ODAD1: variants seen among roughly 807,000 people sequenced by gnomAD.
ODAD1 encodes the protein outer dynein arm docking complex subunit 1.
A neutral mutation model predicts 67.2 loss-of-function variants in ODAD1; 49 were observed. That is an observed-to-expected ratio of 0.73 (90% confidence interval 0.58 to 0.92). ODAD1 has a LOEUF of 0.92. Ranked by LOEUF, ODAD1 falls within the 40% of genes least tolerant of loss-of-function variation. The pLI is 0.00. For synonymous variants in ODAD1, 345 were observed against 393.7 expected (o/e 0.88, Z 1.46); for missense variants, 897 against 953.7 (o/e 0.94, Z 0.78).
intron 7 of ODAD1, among the ~76,000 whole-genome samples, chr19:48,310,322 T>C (rs180704597): frequency 2.6e-5 from 4 of 151,824 alleles, no homozygotes; most frequent in Admixed American, 2.6e-4. Flanking sequence ...GTCAACGTCA[T>C]GGAGAAAAAA....
At chr19:48,304,836 C>A (rs1032012863) in intron 8 of ODAD1, among the ~76,000 whole-genome samples, 1 of 152,094 alleles carries the variant, frequency 6.6e-6, no homozygotes, top group Non-Finnish European at 1.5e-5. Context: ...TGGCAGAATT[C>A]TTTCTCCCAA....
Position 48,311,686 on chromosome 19 carries a change from TG to T in ODAD1, c.484-21del. ...GGTGACCTGGGAGTAGAAAGGTGGA[TG>T]GAAGAGTGGGTCTGAAGCCAAGTCT... On this transcript the variant is annotated intron_variant, in intron 6 of 15. Transcript: ENST00000674294. 6.3e-6 allele frequency: 9 copies of T among 1,423,260 alleles called. No homozygotes were observed. The highest frequency in any genetic ancestry group is 8.7e-6 in the Non-Finnish European group (9 of 1,029,796). 88.2% of individuals were successfully genotyped at this position (1,423,260 alleles called of 1,614,324 possible). A position where few individuals can be genotyped will look rare whatever the true frequency, so the allele number is the denominator to read the frequency against.
intron 10 of ODAD1, 49 bp downstream of exon 10, chr19:48,303,601 G>A (rs1968528305): frequency 2.5e-6 from 4 of 1,611,346 alleles, no homozygotes; most frequent in East Asian, 2.2e-5. Context: ...CTGGACTCAG[G>A]GGGTGCCGGG....
At chr19:48,319,081 C>G (rs964205558) in intron 3 of ODAD1, among the ~76,000 whole-genome samples, 3 of 152,060 alleles carry the variant, frequency 2.0e-5, no homozygotes, top group African/African-American at 7.2e-5. Flanking sequence ...GCCTCTGGGT[C>G]TTCTGGGACC....
At chr19:48,306,378 A>T (rs1156487347) in intron 7 of ODAD1, 55 bp from the exon 8 acceptor site, 6 of 1,467,158 alleles carry the variant, frequency 4.1e-6, no homozygotes, top group African/African-American at 1.4e-5. Flanking sequence ...CATTGCTCGA[A>T]GTCTTTCCTT....
chr19:48,297,886 G>A (rs1600855583), intron 14 of ODAD1, 114 bp downstream of exon 14: 1 of 879,298 alleles, frequency 1.1e-6, no homozygotes, highest in East Asian at 2.7e-5. Context: ...AACCCCCCAG[G>A]GCCACATCCG....
Position 48,303,952 on chromosome 19 carries a change from C to T in ODAD1, c.853+1G>A. The T allele has an allele frequency of 6.2e-7, 1 of 1,613,422 alleles. No individual in the cohort carries two copies. The highest frequency in any genetic ancestry group is 8.5e-7 in the Non-Finnish European group (1 of 1,179,464). On this transcript the variant is annotated splice_donor_variant, in intron 9 of 15. Coordinates refer to ENST00000674294, the MANE Select transcript of ODAD1 (RefSeq NM_001364171.2). LOFTEE classifies it high-confidence loss of function. ...TGCAAAGGCAGCAGCCCCAGCCTCA[C>T]CCTGCTTTTCACGCTTCTCCAGGAC... is the stretch of plus-strand genomic sequence containing the variant.
At chr19:48,316,497 C>T (rs1019158491) in intron 5 of ODAD1, among the ~76,000 whole-genome samples, 1 of 152,170 alleles carries the variant, frequency 6.6e-6, no homozygotes, top group African/African-American at 2.4e-5. Context: ...TCCCGCAACA[C>T]TTGGTATGGA....
chr19:48,307,571 T>G (rs1271035841), intron 7 of ODAD1, among the ~76,000 whole-genome samples: 2 of 152,136 alleles, frequency 1.3e-5, no homozygotes, highest in South Asian at 2.1e-4. Context: ...ATCCCAGCAC[T>G]GTGGGAGGCC....
intron 5 of ODAD1, among the ~76,000 whole-genome samples, chr19:48,315,575 G>A (rs936009608): frequency 3.9e-5 from 6 of 152,090 alleles, no homozygotes; most frequent in Non-Finnish European, 7.4e-5. Context: ...TAATTGTTAT[G>A]TTTTGACATA....
intron 7 of ODAD1, among the ~76,000 whole-genome samples, chr19:48,308,782 A>G (rs1968683266): frequency 6.6e-6 from 1 of 151,954 alleles, no homozygotes; most frequent in African/African-American, 2.4e-5. Context: ...GGGCGGGACT[A>G]CAGCTGCCCA....
At chr19:48,307,285 G>A (rs1284388087) in intron 7 of ODAD1, among the ~76,000 whole-genome samples, 2 of 151,036 alleles carry the variant, frequency 1.3e-5, no homozygotes, top group South Asian at 2.1e-4. Flanking sequence ...GTATCAATGT[G>A]AACTCACTAT....
chr19:48,319,321 C>T (rs1170081808), intron 3 of ODAD1: 3 of 424,072 alleles, frequency 7.1e-6, no homozygotes, highest in Non-Finnish European at 9.5e-6. Flanking sequence ...CCTACCCCAC[C>T]CACAGCAGAC....
Position 48,317,494 on chromosome 19 carries a change from C to G in ODAD1, c.360+893G>C, listed in dbSNP as rs1277976155. ...CCCAGAGAGGGGAAAACCTGCCTGCCCCCGATCACAGAGCTCCGATGGCAG... is the reference window on the plus strand; with the variant it reads ...CCCAGAGAGGGGAAAACCTGCCTGCGCCCGATCACAGAGCTCCGATGGCAG... On this transcript the variant is annotated intron_variant, in intron 5 of 15. Coordinates refer to ENST00000674294, the MANE Select transcript of ODAD1 (RefSeq NM_001364171.2). 2.0e-5 allele frequency among the ~76,000 whole-genome samples: 3 copies of G among 152,198 alleles called. No individual in the cohort carries two copies. In the East Asian group the frequency reaches 5.8e-4, roughly 29 times the overall value.
chr19:48,313,157 G>A (rs554590306), intron 5 of ODAD1, among the ~76,000 whole-genome samples: 12 of 152,180 alleles, frequency 7.9e-5, no homozygotes, highest in African/African-American at 2.9e-4. Context: ...GGCCGGGCAC[G>A]GTGGCTCACA....
chr19:48,318,941 A>G (rs758397210), intron 3 of ODAD1, 129 bp from the exon 4 acceptor site: 44 of 632,540 alleles, frequency 7.0e-5, no homozygotes, highest in Non-Finnish European at 1.1e-4. Context: ...CCAGCCCCCA[A>G]CACCCCTCTA....
chr19:48,301,412 C>T (rs1968459329), intron 12 of ODAD1, among the ~76,000 whole-genome samples: 1 of 151,928 alleles, frequency 6.6e-6, no homozygotes, highest in African/African-American at 2.4e-5. Flanking sequence ...GGGACAGCAT[C>T]TGTTTTTTAG....
At chr19:48,308,017 C>T (rs1475998487) in intron 7 of ODAD1, among the ~76,000 whole-genome samples, 2 of 152,110 alleles carry the variant, frequency 1.3e-5, no homozygotes, top group African/African-American at 4.8e-5. Flanking sequence ...CCAAAGGCCA[C>T]AGAAGCCAGC....
chr19:48,306,244 C>A lies in ODAD1; in HGVS notation c.665+12G>T, dbSNP rs548117033. 2.6e-6 allele frequency: 4 copies of A among 1,551,402 alleles called. No homozygotes were observed. The South Asian group carries it at 4.8e-5, about 18-fold the overall frequency. On this transcript the variant is annotated intron_variant, in intron 8 of 15. Coordinates refer to ENST00000674294, the MANE Select transcript of ODAD1 (RefSeq NM_001364171.2). The stretch of plus-strand genomic sequence containing the variant: ...CTGGGTCCCGCCATCCCAGGATACC[C>A]GCAGTCTCTACCTGACGGCGTAGGC...
Sources: gnomAD v4.1 joint callset for allele counts (sites outside exome capture counted in the v4.1 genomes callset) on GRCh38, gnomAD v4.1.1 for gene constraint, MANE v1.5 for transcripts, NCBI Gene and HGNC (gene_info 2026-07-23, HGNC 2026-07-21) for gene names.